The following LMO4 variants were observed in gnomAD, a reference collection of about 807,000 sequenced individuals.
LMO4 encodes LIM domain transcription factor LMO4.
Under a neutral mutation model 18.5 loss-of-function variants are expected in LMO4, and 3 were observed. That is an observed-to-expected ratio of 0.16 (90% CI 0.07 to 0.42). LMO4 has a LOEUF of 0.42. Among genes scored for constraint, LMO4 ranks in the 10% least tolerant of loss-of-function variants. LMO4 has a pLI of 0.99. For synonymous variants in LMO4, 100 were observed against 88.1 expected (o/e 1.14, Z -0.76); for missense variants, 121 against 219.9 (o/e 0.55, Z 2.84).
intron 2 of LMO4, among the ~76,000 whole-genome samples, chr1:87,338,977 C>T (rs555959729): frequency 6.6e-6 from 1 of 152,240 alleles, no homozygotes; most frequent in African/African-American, 2.4e-5. Context: ...GTGTTGACAC[C>T]ATGATTGAAA....
At chr1:87,342,669 G>A (rs3766022) in intron 4 of LMO4, among the ~76,000 whole-genome samples, 27,371 of 152,012 alleles carry the variant, frequency 0.18, 4,514 homozygotes, top group African/African-American at 0.44. Flanking sequence ...CCCTGTTGGC[G>A]TAAGTGTCTC....
At chr1:87,335,044 G>GA (rs1299010802) in intron 2 of LMO4, among the ~76,000 whole-genome samples, 1 of 151,010 alleles carries the variant, frequency 6.6e-6, no homozygotes, top group Non-Finnish European at 1.5e-5. Context: ...TGAAGGGGGG[G>GA]GGGTTGTAGA....
rs554233964 is a variant in LMO4 at position 87,344,970 on chromosome 1, T to C, written c.*174T>C. 3 of 586,638 alleles carry C rather than the reference T, an allele frequency of 5.1e-6. No individual in the cohort carries two copies. The Admixed American group carries it at 9.6e-5, about 19-fold the overall frequency. 36.3% of individuals were successfully genotyped at this position (586,638 alleles called of 1,614,324 possible). A position where few individuals can be genotyped will look rare whatever the true frequency, so the allele number is the denominator to read the frequency against. On this transcript the variant is annotated 3_prime_UTR_variant, in exon 5 of 5. Transcript: ENST00000370544. ...TCCCGCATTTATTGGTGTATTAAAA[T>C]GACTGAATATGAACATTAAGGACTC...
chr1:87,331,740 A>C, intron 1 of LMO4: 1 of 503,040 alleles, frequency 2.0e-6, no homozygotes, highest in Non-Finnish European at 3.5e-6. Context: ...ACAGTACCGG[A>C]GCTGAAATTG....
intron 1 of LMO4, chr1:87,331,310 G>C (rs997446334): frequency 2.6e-5 from 4 of 152,138 alleles, no homozygotes; most frequent in Admixed American, 6.5e-5. Flanking sequence ...CATGTGAAAG[G>C]TGCTGCTTAA....
chr1:87,335,061 G>A (rs749029289), intron 2 of LMO4, among the ~76,000 whole-genome samples: 45 of 151,720 alleles, frequency 3.0e-4, no homozygotes, highest in Admixed American at 6.5e-4. Flanking sequence ...TAGAGCGGAG[G>A]GGGAGGGTGG....
chr1:87,330,935 C>A (rs141514558), intron 1 of LMO4, among the ~76,000 whole-genome samples: 4 of 151,956 alleles, frequency 2.6e-5, no homozygotes, highest in African/African-American at 9.7e-5. Flanking sequence ...CCAGTTGCAT[C>A]TCTTGTGGCA....
chr1:87,335,355 G>GCGGTCGT (rs1650275183), intron 2 of LMO4, among the ~76,000 whole-genome samples: 3 of 152,086 alleles, frequency 2.0e-5, no homozygotes, highest in Admixed American at 6.5e-5. Flanking sequence ...AGCCAGGGTG[G>GCGGTCGT]CGGTCGTCGG....
intron 2 of LMO4, among the ~76,000 whole-genome samples, chr1:87,335,305 TG>T (rs1448964039): frequency 6.6e-6 from 1 of 151,048 alleles, no homozygotes; most frequent in Admixed American, 6.6e-5. Flanking sequence ...GACCGGCGGG[TG>T]GGGCTCCAGG....
chr1:87,331,781 G>T, intron 1 of LMO4: 1 of 551,632 alleles, frequency 1.8e-6, no homozygotes, highest in East Asian at 3.0e-5. Context: ...AAAGTTGAGA[G>T]GAGCTCGTGG....
chr1:87,338,700 C>G (rs1024426253), intron 2 of LMO4, among the ~76,000 whole-genome samples: 4 of 152,176 alleles, frequency 2.6e-5, no homozygotes, highest in African/African-American at 2.4e-5. Flanking sequence ...CCTCCTCCCC[C>G]CATGGCAGAT....
intron 2 of LMO4, among the ~76,000 whole-genome samples, chr1:87,335,707 A>G (rs1035105859): frequency 1.3e-5 from 2 of 152,216 alleles, no homozygotes; most frequent in African/African-American, 2.4e-5. Context: ...GCAAGCTGCT[A>G]TATTCAGAGA....
intron 3 of LMO4, 82 bp from the exon 4 acceptor site, chr1:87,339,965 C>T (rs1479489538): frequency 7.0e-7 from 1 of 1,419,058 alleles, no homozygotes; most frequent in Non-Finnish European, 9.8e-7. Context: ...CAGATACCTG[C>T]TTAATAACAG....
At chr1:87,344,701 G>T in intron 4 of LMO4, 87 bp from the exon 5 acceptor site, 2 of 1,295,046 alleles carry the variant, frequency 1.5e-6, no homozygotes, top group Non-Finnish European at 2.2e-6. Flanking sequence ...ATTAGTGAAT[G>T]TGGGGAAGAC....
At chr1:87,332,618 C>T (rs1042358411) in intron 2 of LMO4, among the ~76,000 whole-genome samples, 8 of 149,520 alleles carry the variant, frequency 5.4e-5, no homozygotes, top group African/African-American at 1.9e-4. Flanking sequence ...AAGGTAGGAA[C>T]TCACAGAGGA....
chr1:87,341,295 A>G (rs1650466795), intron 4 of LMO4, among the ~76,000 whole-genome samples: 1 of 152,192 alleles, frequency 6.6e-6, no homozygotes, highest in African/African-American at 2.4e-5. Flanking sequence ...AGATTTTTCC[A>G]TCAGCTCTGA....
chr1:87,331,876 C>T (rs911836173), intron 1 of LMO4, 137 bp from the exon 2 acceptor site: 9 of 674,938 alleles, frequency 1.3e-5, no homozygotes, highest in African/African-American at 1.1e-4. Context: ...GCCTCCTTCC[C>T]GCCCTTGCCC....
intron 2 of LMO4, among the ~76,000 whole-genome samples, chr1:87,339,046 T>C (rs1650399505): frequency 6.6e-6 from 1 of 152,202 alleles, no homozygotes; most frequent in African/African-American, 2.4e-5. Flanking sequence ...TAATGGAAAG[T>C]CTGCACTGAT....
chr1:87,347,582 A>C lies in LMO4; in HGVS notation c.*2786A>C, dbSNP rs1009035222. 4 of 152,234 alleles carry C rather than the reference A, an allele frequency of 2.6e-5. No homozygotes were observed. Among genetic ancestry groups the C allele is most frequent in the Admixed American group, 2.6e-4 (4 of 15,284 alleles). 9.4% of individuals were successfully genotyped at this position (152,234 alleles called of 1,614,324 possible). On this transcript the variant is annotated 3_prime_UTR_variant, in exon 5 of 5. Transcript: ENST00000370544. Reference sequence around the variant, plus strand: ...TTTAATATTAACCACGTCATAGAGCAAGATGGCCCCCAGTCCCTACAAGCA... The same window carrying C: ...TTTAATATTAACCACGTCATAGAGCCAGATGGCCCCCAGTCCCTACAAGCA...
Sources: gnomAD v4.1 joint callset for allele counts (sites outside exome capture counted in the v4.1 genomes callset) on GRCh38, gnomAD v4.1.1 for gene constraint, MANE v1.5 for transcripts, NCBI Gene and HGNC (gene_info 2026-07-23, HGNC 2026-07-21) for gene names.